Variants in FBXL18 observed in about 807,000 individuals in gnomAD.
The protein encoded by FBXL18 is F-box/LRR-repeat protein 18.
Under a neutral mutation model 46.0 loss-of-function variants are expected in FBXL18, and 36 were observed. The observed-to-expected ratio is 0.78, with a 90% CI of 0.60 to 1.03. The LOEUF (loss-of-function observed/expected upper bound fraction) is 1.03. Among genes scored for constraint, FBXL18 ranks in the 50% least tolerant of loss-of-function variants. FBXL18 has a pLI of 0.00. For synonymous variants in FBXL18, 557 were observed against 465.3 expected (o/e 1.20, Z -2.54); for missense variants, 977 against 1,004.1 (o/e 0.97, Z 0.36).
chr7:5,456,613 G>T (rs1783177688), intron 4 of FBXL18, among the ~76,000 whole-genome samples: 2 of 150,060 alleles, frequency 1.3e-5, no homozygotes, highest in Admixed American at 1.3e-4. Flanking sequence ...CCTGGGGCAG[G>T]CCAAGGGCAG....
At chr7:5,483,946 G>C (rs956969255) in intron 4 of FBXL18, among the ~76,000 whole-genome samples, 1 of 152,108 alleles carries the variant, frequency 6.6e-6, no homozygotes, top group Non-Finnish European at 1.5e-5. Flanking sequence ...CTGGACTCAC[G>C]ACACACAGAG....
intron 4 of FBXL18, among the ~76,000 whole-genome samples, chr7:5,470,763 G>A (rs1361099277): frequency 1.3e-5 from 2 of 152,086 alleles, no homozygotes; most frequent in Non-Finnish European, 2.9e-5. Flanking sequence ...ACACAGCAGA[G>A]TGGCCCCCGG....
At chr7:5,466,198 A>G (rs182740933) in intron 4 of FBXL18, among the ~76,000 whole-genome samples, 13 of 152,206 alleles carry the variant, frequency 8.5e-5, no homozygotes, top group African/African-American at 3.1e-4. Context: ...AAAAGAAAAA[A>G]AAAAGAGGTC....
At chr7:5,484,039 G>A (rs1380889895) in intron 4 of FBXL18, among the ~76,000 whole-genome samples, 1 of 152,176 alleles carries the variant, frequency 6.6e-6, no homozygotes, top group East Asian at 1.9e-4. Flanking sequence ...CAGTAATCTC[G>A]TGGGCAGCAA....
At chr7:5,513,509 G>C in intron 1 of FBXL18, 148 bp downstream of exon 1, 1 of 903,094 alleles carries the variant, frequency 1.1e-6, no homozygotes. Flanking sequence ...ACGGGAGCAG[G>C]GGCAAGGCCA....
At position 5,455,520 on chromosome 7, in the gene FBXL18, C is replaced by T. The variant is rs1000731769; in HGVS notation, c.2001-7677G>A. Reference sequence around the variant, plus strand: ...GTCAGAAGCAATTCCACAAGCCCAGCCCCTCCTGTCCTCCCTGATTCCCCA... The same window carrying T: ...GTCAGAAGCAATTCCACAAGCCCAGTCCCTCCTGTCCTCCCTGATTCCCCA... On this transcript the variant is annotated intron_variant and NMD_transcript_variant, in intron 4 of 6. Transcript: ENST00000415009. The surrounding 1 kb of genome is among the most constrained non-coding windows in gnomAD (Gnocchi z 4.6). Among the ~76,000 whole-genome samples, 5 of 152,116 alleles carry T rather than the reference C, an allele frequency of 3.3e-5. No individual in the cohort carries two copies. The highest frequency in any genetic ancestry group is 1.2e-4 in the African/African-American group (5 of 41,406).
intron 1 of FBXL18, among the ~76,000 whole-genome samples, chr7:5,506,407 C>G (rs940303978): frequency 1.3e-5 from 2 of 151,964 alleles, no homozygotes; most frequent in African/African-American, 4.8e-5. Context: ...TGCCACCACG[C>G]CCACGCCCGG....
intron 1 of FBXL18, among the ~76,000 whole-genome samples, chr7:5,509,083 C>T (rs1461461060): frequency 6.6e-6 from 1 of 151,710 alleles, no homozygotes; most frequent in Non-Finnish European, 1.5e-5. Flanking sequence ...GTCCCAGCTA[C>T]TCAGGAGGCT....
chr7:5,513,800 C>A lies in FBXL18; in HGVS notation c.-126G>T. ...GAGACCCCGGCAAGGAGCGGGCTCT[C>A]GTCACTTCCGGCGCCCGCCTACACG... On this transcript the variant is annotated 5_prime_UTR_variant, in exon 1 of 5. Transcript: ENST00000382368. 1 of 1,352,682 alleles carries A rather than the reference C, an allele frequency of 7.4e-7. No individual in the cohort carries two copies. The highest frequency in any genetic ancestry group is 1.4e-5 in the South Asian group (1 of 71,074). The allele number at this position is 1,352,682 out of a possible 1,614,324, so 83.8% of individuals were successfully genotyped here.
chr7:5,473,520 G>C (rs1783461199), downstream of FBXL18, among the ~76,000 whole-genome samples: 1 of 152,160 alleles, frequency 6.6e-6, no homozygotes, highest in Non-Finnish European at 1.5e-5. Context: ...CCAACACTTT[G>C]GGAGGCCAAG....
At position 5,477,465 on chromosome 7, in the gene FBXL18, G is replaced by T. The variant is rs1457337737; in HGVS notation, c.*4310C>A. 6.6e-6 allele frequency among the ~76,000 whole-genome samples: 1 copy of T among 152,158 alleles called. No individual in the cohort carries two copies. The highest frequency in any genetic ancestry group is 2.4e-5 in the African/African-American group (1 of 41,434). On this transcript the variant is annotated 3_prime_UTR_variant, in exon 5 of 5. Coordinates refer to ENST00000382368, the MANE Select transcript of FBXL18 (RefSeq NM_024963.6). This position sits in a 1 kb window ranked among gnomAD's most constrained non-coding sequence, Gnocchi z 4.4. Reference sequence around the variant, plus strand: ...CACCTGTTATCCTAGCACTTTGGGAGGCCGAGGCAGGAGAATCACTTGAGG... The same window carrying T: ...CACCTGTTATCCTAGCACTTTGGGATGCCGAGGCAGGAGAATCACTTGAGG...
In FBXL18 at chr7:5,481,654, T is replaced by TG. The variant is rs1783648561; in HGVS notation, c.*120dup. The TG allele has an allele frequency of 1.9e-6, 2 of 1,037,074 alleles. No homozygotes were observed. Among genetic ancestry groups the TG allele is most frequent in the African/African-American group, 1.6e-5 (1 of 62,630 alleles). The allele number at this position is 1,037,074 out of a possible 1,614,324, so 64.2% of individuals were successfully genotyped here. ...GACGCCGGGAGCCCCAGGAGCCAGG[T>TG]GGGGCGTGGCTGGCCGGGAGAGAGG... On this transcript the variant is annotated 3_prime_UTR_variant, in exon 5 of 5. Transcript: ENST00000382368.
Position 5,455,155 on chromosome 7 carries a change from G to T in FBXL18, c.2001-7312C>A, listed in dbSNP as rs970081823. On this transcript the variant is annotated intron_variant and NMD_transcript_variant, in intron 4 of 6. Coordinates refer to the FBXL18 transcript ENST00000415009. The surrounding 1 kb of genome is among the most constrained non-coding windows in gnomAD (Gnocchi z 4.6). ...CTCAGGGAGCAACCCTGGCACTACT[G>T]GGGAGGACTCTTGGGGATTATCTTG... Among the ~76,000 whole-genome samples, 5 of 152,242 alleles carry T rather than the reference G, an allele frequency of 3.3e-5. No individual in the cohort carries two copies. The highest frequency in any genetic ancestry group is 1.9e-4 in the East Asian group (1 of 5,172).
At chr7:5,506,064 C>T (rs1784387640) in intron 1 of FBXL18, among the ~76,000 whole-genome samples, 1 of 151,910 alleles carries the variant, frequency 6.6e-6, no homozygotes, top group Non-Finnish European at 1.5e-5. Context: ...CGGGGTTTCC[C>T]TATGTTGCTC....
rs1784091500 is a variant in FBXL18, at chr7:5,496,782, T to C, written c.1781+3706A>G. On this transcript the variant is annotated intron_variant, in intron 3 of 4. Coordinates refer to ENST00000382368, the MANE Select transcript of FBXL18 (RefSeq NM_024963.6). This position sits in a 1 kb window ranked among gnomAD's most constrained non-coding sequence, Gnocchi z 4.8. The stretch of plus-strand genomic sequence containing the variant: ...GGCTTACGCCTGTAATCCCACCACT[T>C]TGGGAGGCCGAGGTGGGCGGATCAC... 6.6e-6 allele frequency among the ~76,000 whole-genome samples: 1 copy of C among 152,078 alleles called. No individual in the cohort carries two copies. Among genetic ancestry groups the C allele is most frequent in the African/African-American group, 2.4e-5 (1 of 41,410 alleles).
chr7:5,504,877 C>T (rs1784354020), intron 2 of FBXL18, among the ~76,000 whole-genome samples: 1 of 118,042 alleles, frequency 8.5e-6, no homozygotes, highest in South Asian at 2.8e-4. Flanking sequence ...GATCATGCCA[C>T]TGCACTCTAG....
intron 4 of FBXL18, among the ~76,000 whole-genome samples, chr7:5,456,640 A>G (rs77632987): frequency 0.062 from 1,826 of 29,622 alleles, 47 homozygotes; most frequent in African/African-American, 0.12. Flanking sequence ...TAAGGTATGG[A>G]AAAAAAAAAA....
intron 1 of FBXL18, among the ~76,000 whole-genome samples, chr7:5,508,102 C>T (rs1784437961): frequency 6.6e-6 from 1 of 152,004 alleles, no homozygotes; most frequent in Non-Finnish European, 1.5e-5. Flanking sequence ...CCCATCTCTA[C>T]TAAAAATACA....
chr7:5,482,669 G>A (rs1783679721), intron 4 of FBXL18, among the ~76,000 whole-genome samples: 1 of 151,996 alleles, frequency 6.6e-6, no homozygotes, highest in Non-Finnish European at 1.5e-5. Context: ...TCCCCCAGCG[G>A]GCCATGAAGC....
Sources: allele counts gnomAD v4.1 joint callset (sites outside exome capture counted in the v4.1 genomes callset), GRCh38; gene constraint gnomAD v4.1.1; non-coding constraint Gnocchi (gnomAD v3.1); transcripts MANE v1.5; gene names NCBI Gene and HGNC (gene_info 2026-07-23, HGNC 2026-07-21).